The following ZNF609 variants were observed in gnomAD, a reference collection of about 807,000 sequenced individuals.
ZNF609 encodes the protein zinc finger protein 609.
Under a neutral mutation model 109.5 loss-of-function variants are expected in ZNF609, and 11 were observed. That is an observed-to-expected ratio of 0.10 (90% confidence interval 0.06 to 0.17). ZNF609 has a LOEUF of 0.17. Ranked by LOEUF, ZNF609 falls within the 10% of genes least tolerant of loss-of-function variation. The pLI is 1.00. For synonymous variants in ZNF609, 646 were observed against 662.0 expected, an observed-to-expected ratio of 0.98 and a Z score of 0.37; for missense variants, 1,559 against 1,772.4, an observed-to-expected ratio of 0.88 and a Z score of 2.16.
chr15:64,655,947 G>A (rs1896482192), intron 3 of ZNF609, among the ~76,000 whole-genome samples: 1 of 152,186 alleles, frequency 6.6e-6, no homozygotes. Flanking sequence ...TAACTAACAA[G>A]GGGAAGCTGA....
At chr15:64,573,355 T>C (rs1006956689) in intron 2 of ZNF609, among the ~76,000 whole-genome samples, 1 of 107,084 alleles carries the variant, frequency 9.3e-6, no homozygotes, top group African/African-American at 3.3e-5. Context: ...TCTTTTTTTT[T>C]TTTTTTTTTT....
chr15:64,556,071 G>A (rs1894581481), intron 2 of ZNF609, among the ~76,000 whole-genome samples: 1 of 150,508 alleles, frequency 6.6e-6, no homozygotes, highest in South Asian at 2.1e-4. Context: ...GCTCACTGCA[G>A]CTTCAGCTTC....
chr15:64,509,044 C>G (rs1286642050), intron 2 of ZNF609, among the ~76,000 whole-genome samples: 1 of 152,190 alleles, frequency 6.6e-6, no homozygotes, highest in Non-Finnish European at 1.5e-5. Context: ...GATTGTGATA[C>G]ACACTAAAGT....
intron 2 of ZNF609, among the ~76,000 whole-genome samples, chr15:64,566,121 A>T (rs982260307): frequency 6.6e-6 from 1 of 152,200 alleles, no homozygotes; most frequent in Non-Finnish European, 1.5e-5. Flanking sequence ...AAGTGTTGGG[A>T]TTACAGGCTT....
At chr15:64,515,413 A>G (rs769609653) in intron 2 of ZNF609, among the ~76,000 whole-genome samples, 2 of 152,202 alleles carry the variant, frequency 1.3e-5, no homozygotes, top group South Asian at 2.1e-4. Context: ...CCAATATAGT[A>G]TCACTCGGGA....
chr15:64,643,728 T>C (rs1426732489), intron 3 of ZNF609: 2 of 152,194 alleles, frequency 1.3e-5, no homozygotes, highest in Non-Finnish European at 2.9e-5. Flanking sequence ...CTATTCATAC[T>C]AGCACTGGAC....
chr15:64,625,946 G>C (rs1195497339), intron 3 of ZNF609, among the ~76,000 whole-genome samples: 4 of 29,024 alleles, frequency 1.4e-4, no homozygotes, highest in African/African-American at 2.4e-4. Context: ...TAGAGAGAGA[G>C]AGAGAGAGAG....
chr15:64,640,076 C>T (rs1896231462), intron 3 of ZNF609, among the ~76,000 whole-genome samples: 1 of 151,946 alleles, frequency 6.6e-6, no homozygotes, highest in Non-Finnish European at 1.5e-5. Flanking sequence ...CCTGCCACCA[C>T]ACCCAGCTAA....
intron 2 of ZNF609, among the ~76,000 whole-genome samples, chr15:64,577,008 G>GTATATATACACACAAATATATACATA (rs1567019051): frequency 8.9e-6 from 1 of 112,332 alleles, no homozygotes; most frequent in African/African-American, 3.2e-5. Flanking sequence ...ATATATATAT[G>GTATATATACACACAAATATATACATA]TATGTATACA....
intron 2 of ZNF609, among the ~76,000 whole-genome samples, chr15:64,533,676 ATTTTCTTGTTTCCCAT>A (rs781426093): frequency 3.9e-4 from 60 of 151,912 alleles, no homozygotes; most frequent in Non-Finnish European, 7.8e-4. Context: ...TATTGCAACT[ATTTTCTTGTTTCCCAT>A]TTTTCTTGTT....
intron 2 of ZNF609, among the ~76,000 whole-genome samples, chr15:64,517,777 TTATACA>T (rs1178783720): frequency 6.6e-6 from 1 of 150,976 alleles, no homozygotes; most frequent in Admixed American, 6.6e-5. Context: ...TAAATAAAAA[TTATACA>T]TATATATTAT....
chr15:64,633,991 A>G (rs1896128584), intron 3 of ZNF609, among the ~76,000 whole-genome samples: 1 of 152,220 alleles, frequency 6.6e-6, no homozygotes, highest in Admixed American at 6.5e-5. Flanking sequence ...TTAAATTTAA[A>G]TAGCCATATG....
At position 64,564,612 on chromosome 15, in the gene ZNF609, G is replaced by T. The variant is rs570841933; in HGVS notation, c.748-58215G>T. Among the ~76,000 whole-genome samples, 759 of 147,050 alleles carry T rather than the reference G, an allele frequency of 5.2e-3. 2 individuals are homozygous for T. Among genetic ancestry groups the T allele is most frequent in the Non-Finnish European group, 7.6e-3 (503 of 66,298 alleles). ...TTGTGTTGTTTTTGTTTTTTGTGGG[G>T]TTTTTTTTTTGTCATATTCACAAGG... is the stretch of plus-strand genomic sequence containing the variant. On this transcript the variant is annotated intron_variant, in intron 2 of 9. Coordinates refer to ENST00000326648, the MANE Select transcript of ZNF609 (RefSeq NM_015042.2).
intron 2 of ZNF609, chr15:64,529,395 G>T: frequency 1.3e-6 from 1 of 750,948 alleles, no homozygotes; most frequent in Middle Eastern, 3.4e-4. Context: ...GACGTACTCA[G>T]CGCCAGCATC....
At chr15:64,634,755 T>TAGC (rs1346340632) in intron 3 of ZNF609, among the ~76,000 whole-genome samples, 1 of 152,060 alleles carries the variant, frequency 6.6e-6, no homozygotes, top group Non-Finnish European at 1.5e-5. Context: ...GCTCTACCAA[T>TAGC]AGCACAGTCA....
rs1264538716 is a variant in ZNF609 at position 64,468,154 on chromosome 15, G to A, written c.-128+7316G>A. ...ACCTCAGCCTCCCAAGCAGTTGGAA[G>A]TACAGGCAGGCGCCACCACACCCAG... On this transcript the variant is annotated intron_variant, in intron 1 of 9. Coordinates refer to ENST00000326648, the MANE Select transcript of ZNF609 (RefSeq NM_015042.2). Among the ~76,000 whole-genome samples the A allele has an allele frequency of 4.6e-5, 7 of 151,570 alleles. No individual in the cohort carries two copies. In the East Asian group the frequency reaches 1.2e-3, roughly 25 times the overall value.
intron 1 of ZNF609, among the ~76,000 whole-genome samples, chr15:64,462,015 A>G (rs1305222354): frequency 6.6e-6 from 1 of 152,176 alleles, no homozygotes; most frequent in Non-Finnish European, 1.5e-5. Flanking sequence ...GCTGCAGCAG[A>G]GATAAACCGG....
chr15:64,610,868 G>A (rs1353577719), intron 2 of ZNF609, among the ~76,000 whole-genome samples: 1 of 152,056 alleles, frequency 6.6e-6, no homozygotes, highest in Non-Finnish European at 1.5e-5. Flanking sequence ...CCACGTTATA[G>A]GTTAAATAGA....
At chr15:64,468,930 G>A (rs1893051821) in intron 1 of ZNF609, among the ~76,000 whole-genome samples, 1 of 150,984 alleles carries the variant, frequency 6.6e-6, no homozygotes, top group Admixed American at 6.6e-5. Context: ...AAGATTGAGA[G>A]TCAGGTTGAC....
Sources: allele counts gnomAD v4.1 joint callset (sites outside exome capture counted in the v4.1 genomes callset), GRCh38; gene constraint gnomAD v4.1.1; transcripts MANE v1.5; gene names NCBI Gene and HGNC (gene_info 2026-07-23, HGNC 2026-07-21).